The following MYH1 variants were observed in gnomAD, a reference collection of about 807,000 sequenced individuals.
MYH1 encodes myosin heavy chain 1, also known as myosin-1.
In MYH1, 214 loss-of-function variants were observed where a neutral mutation model predicts 225.6. The observed-to-expected ratio is 0.95, with a 90% CI of 0.85 to 1.06. MYH1 has a LOEUF of 1.06. Ranked by LOEUF, MYH1 falls within the 50% of genes least tolerant of loss-of-function variation. The probability of loss-of-function intolerance (pLI) is 0.00; values close to 1 mark genes in which losing one functional copy is unlikely to be tolerated. For missense variants in MYH1, 2,098 were observed against 2,344.2 expected, an observed-to-expected ratio of 0.89 and a Z score of 2.17; for synonymous variants, 774 against 842.3, an observed-to-expected ratio of 0.92 and a Z score of 1.40.
Position 10,507,957 on chromosome 17 carries a change from C to T in MYH1, c.1898-1G>A, listed in dbSNP as rs1390761983. The T allele has an allele frequency of 1.9e-6, 3 of 1,612,186 alleles. No homozygotes were observed. The South Asian group carries it at 3.3e-5, about 18-fold the overall frequency. ...CCACCTTTCTTTCCACCGCCAGCCT[C>T]TGAGGGGAAAAAGAAAGCAATCATA... is the stretch of plus-strand genomic sequence containing the variant. On this transcript the variant is annotated splice_acceptor_variant, in intron 16 of 39. Transcript: ENST00000226207. LOFTEE classifies it high-confidence loss of function.
intron 31 of MYH1, 40 bp downstream of exon 31, chr17:10,497,694 A>T: frequency 1.2e-6 from 2 of 1,609,514 alleles, no homozygotes; most frequent in Non-Finnish European, 1.7e-6. Flanking sequence ...GCTATTGTTA[A>T]TTCTGTGTTG....
intron 14 of MYH1, among the ~76,000 whole-genome samples, chr17:10,511,312 G>A (rs1198443854): frequency 1.3e-5 from 2 of 152,008 alleles, no homozygotes; most frequent in African/African-American, 2.4e-5. Context: ...CCTGGGTATT[G>A]CAGAGGTTAT....
chr17:10,509,735 C>G, intron 14 of MYH1, 80 bp from the exon 15 acceptor site: 1 of 1,611,348 alleles, frequency 6.2e-7, no homozygotes, highest in South Asian at 1.1e-5. Context: ...TTTAGTTAGC[C>G]AAATTGCCCT....
Position 10,501,373 on chromosome 17 carries a change from C to T in MYH1, c.3475G>A (p.Gly1159Arg). The change falls in exon 27 of 40, where the codon GGG (glycine) becomes AGG (arginine). Residue 1159 changes from glycine to arginine, a missense_variant. Coordinates refer to ENST00000226207, the MANE Select transcript of MYH1 (RefSeq NM_005963.4). The part of the protein sequence containing the change: ...EISERLEEAG[G>R]ATSAQIEMNK... ...ATCTCAATCTGGGCTGAGGTGGCCC[C>T]ACCGGCTTCTTCCAGCCTCTCGCTG... 1 of 1,614,146 alleles carries T rather than the reference C, an allele frequency of 6.2e-7. No individual in the cohort carries two copies. Among genetic ancestry groups the T allele is most frequent in the Non-Finnish European group, 8.5e-7 (1 of 1,180,048 alleles).
intron 9 of MYH1, among the ~76,000 whole-genome samples, chr17:10,513,293 C>T (rs1244614777): frequency 1.3e-5 from 2 of 152,156 alleles, no homozygotes; most frequent in African/African-American, 4.8e-5. Flanking sequence ...AGTATTAAAG[C>T]TCAGACTAGG....
In MYH1 at chr17:10,513,685, T is replaced by C. The variant is rs750749644; in HGVS notation, c.746A>G (p.Lys249Arg). Residue 249 changes from lysine (K) to arginine (R), a missense_variant, in exon 9 of 40, where the codon AAA becomes AGA. Physicochemically the swap from Lys to Arg is conservative, Grantham distance 26. Coordinates refer to ENST00000226207, the MANE Select transcript of MYH1 (RefSeq NM_005963.4). ...VRNDNSSRFG[K>R]FIRIHFGTTG... The stretch of plus-strand genomic sequence containing the variant: ...GGTACCGAAGTGGATCCTGATGAAT[T>C]TACCCTTGTAAGTAAAAAAAATGAT... 1.9e-6 allele frequency: 3 copies of C among 1,614,126 alleles called. No individual in the cohort carries two copies. In the Admixed American group the frequency reaches 5.0e-5, roughly 27 times the overall value.
intron 35 of MYH1, 69 bp from the exon 36 acceptor site, chr17:10,495,386 T>G (rs1191598847): frequency 2.1e-5 from 33 of 1,555,922 alleles, no homozygotes; most frequent in Middle Eastern, 1.7e-4. Context: ...CATGTTCTAA[T>G]GAACCATAAA....
Position 10,516,236 on chromosome 17 carries a change from T to C in MYH1, c.311A>G (p.Tyr104Cys). 6.2e-7 allele frequency: 1 copy of C among 1,614,218 alleles called. No individual in the cohort carries two copies. The highest frequency in any genetic ancestry group is 8.5e-7 in the Non-Finnish European group (1 of 1,180,032). Residue 104 changes from tyrosine to cysteine, a missense_variant, in exon 4 of 40, where the codon TAC (tyrosine) becomes TGC (cysteine). Coordinates refer to ENST00000226207, the MANE Select transcript of MYH1 (RefSeq NM_005963.4). ...MTHLHEPAVL[Y>C]NLKERYAAWM... ...GGCTGCGTAGCGCTCTTTGAGGTTG[T>C]ACAGCACAGCAGGCTCGTGTAGATG...
chr17:10,494,720 A>G (rs764935636), intron 37 of MYH1, 47 bp from the exon 38 acceptor site: 3 of 1,608,686 alleles, frequency 1.9e-6, no homozygotes, highest in South Asian at 1.1e-5. Context: ...ACGAATTTCT[A>G]CTTCTTCACA....
chr17:10,513,112 T>C (rs888646623), intron 9 of MYH1, 147 bp from the exon 10 acceptor site: 70 of 632,900 alleles, frequency 1.1e-4, no homozygotes, highest in Non-Finnish European at 1.8e-4. Context: ...ATTATGTCTC[T>C]ACAAACACTA....
At position 10,516,537 on chromosome 17, in the gene MYH1, T is replaced by TCTTG. The variant is rs1369102915; in HGVS notation, c.102_105dup (p.Thr36GlnfsTer10). ...TTAGGGTCCACCACAAAGACTGATG[T>TCTTG]CTTGGCATCAAAAGGCTTGTTCTGG... On this transcript the variant is annotated frameshift_variant, in exon 3 of 40. Coordinates refer to ENST00000226207, the MANE Select transcript of MYH1 (RefSeq NM_005963.4). LOFTEE classifies it high-confidence loss of function. The TCTTG allele has an allele frequency of 6.2e-7, 1 of 1,614,204 alleles. No homozygotes were observed. The highest frequency in any genetic ancestry group is 1.7e-5 in the Admixed American group (1 of 60,022).
rs1470960697 is a variant in MYH1, at chr17:10,503,032, T to C, written c.2908A>G (p.Lys970Glu). 6.2e-7 allele frequency: 1 copy of C among 1,613,834 alleles called. No homozygotes were observed. Among genetic ancestry groups the C allele is most frequent in the African/African-American group, 1.3e-5 (1 of 75,018 alleles). ...DLELTLAKVE[K>E]EKHATENKVK... ...TTGTTTTCTGTGGCATGTTTCTCCT[T>C]CTCAACCTTGGCCAGTGTCAGCTCA... Residue 970 changes from lysine (K) to glutamate (E), a missense_variant, in exon 23 of 40, where the codon AAG (lysine) becomes GAG (glutamate). By Grantham distance (56) the Lys-to-Glu change is moderately conservative (BLOSUM62 1). Coordinates refer to ENST00000226207, the MANE Select transcript of MYH1 (RefSeq NM_005963.4).
At position 10,498,758 on chromosome 17, in the gene MYH1, T is replaced by G; in HGVS notation, c.4049A>C (p.Gln1350Pro). ...SRHDCDLLRE[Q>P]YEEEQEAKAE... ...CTTGGCTTCCTGCTCCTCCTCATAC[T>G]GTTCCCGCAGCAGGTCACAGTCATG... is the stretch of plus-strand genomic sequence containing the variant. Residue 1350 changes from glutamine (Q) to proline (P), a missense_variant, in exon 30 of 40, where the codon CAG (glutamine) becomes CCG (proline). Gln to Pro is a moderately conservative substitution (Grantham distance 76). Coordinates refer to ENST00000226207, the MANE Select transcript of MYH1 (RefSeq NM_005963.4). The G allele has an allele frequency of 1.2e-6, 2 of 1,614,210 alleles. No individual in the cohort carries two copies. Among genetic ancestry groups the G allele is most frequent in the Non-Finnish European group, 1.7e-6 (2 of 1,180,016 alleles).
chr17:10,494,734 C>A, intron 37 of MYH1, 61 bp from the exon 38 acceptor site: 1 of 1,604,348 alleles, frequency 6.2e-7, no homozygotes, highest in South Asian at 1.1e-5. Context: ...CTTCACATGA[C>A]CCACATACTT....
At chr17:10,505,724 A>G in intron 19 of MYH1, 88 bp downstream of exon 19, 1 of 1,534,200 alleles carries the variant, frequency 6.5e-7, no homozygotes, top group East Asian at 2.3e-5. Flanking sequence ...CTTCAATTTT[A>G]AGAGGAGGTA....
intron 9 of MYH1, among the ~76,000 whole-genome samples, chr17:10,513,314 A>G (rs1211696924): frequency 1.3e-5 from 2 of 152,156 alleles, no homozygotes; most frequent in Admixed American, 6.5e-5. Context: ...AATAAATCAC[A>G]TATCCTCAAT....
intron 32 of MYH1, 36 bp from the exon 33 acceptor site, chr17:10,497,229 A>C (rs2073005745): frequency 1.3e-6 from 2 of 1,595,588 alleles, no homozygotes; most frequent in Middle Eastern, 1.7e-4. Context: ...ATTTGTTTAT[A>C]GTTGGAAAAG....
intron 5 of MYH1, among the ~76,000 whole-genome samples, chr17:10,515,269 A>G (rs2073214018): frequency 6.6e-6 from 1 of 152,182 alleles, no homozygotes; most frequent in South Asian, 2.1e-4. Context: ...AAAATTTACT[A>G]TCTTATGGCC....
intron 33 of MYH1, 43 bp from the exon 34 acceptor site, chr17:10,496,592 G>C: frequency 6.2e-7 from 1 of 1,612,464 alleles, no homozygotes; most frequent in East Asian, 2.2e-5. Flanking sequence ...TAATGGAAGT[G>C]TGTAGTATTC....
Sources: allele counts gnomAD v4.1 joint callset (sites outside exome capture counted in the v4.1 genomes callset), GRCh38; gene constraint gnomAD v4.1.1; transcripts MANE v1.5; gene names NCBI Gene and HGNC (gene_info 2026-07-23, HGNC 2026-07-21).